Variants in NRXN1 observed in about 807,000 individuals in gnomAD.
NRXN1 encodes neurexin 1, also known as neurexin-1.
NRXN1 carries 39 observed loss-of-function variants against 150.9 expected under a neutral mutation model. That is an observed-to-expected ratio of 0.26 (90% confidence interval 0.20 to 0.34). The LOEUF (loss-of-function observed/expected upper bound fraction) is 0.34. NRXN1 is among the 10% of genes least tolerant of loss of function. The pLI is 1.00. For missense variants in NRXN1, 1,815 were observed against 1,949.9 expected (o/e 0.93, Z 1.30); for synonymous variants, 924 against 757.0 (o/e 1.22, Z -3.62).
At chr2:50,252,354 G>A (rs1206747803) in intron 17 of NRXN1, among the ~76,000 whole-genome samples, 1 of 144,576 alleles carries the variant, frequency 6.9e-6, no homozygotes, top group African/African-American at 2.6e-5. Flanking sequence ...TGTCTCTTGG[G>A]TTCAAGTGAT....
rs145702579 is a variant in NRXN1 at position 50,470,622 on chromosome 2, G to A, written c.3244+1676C>T. Among the ~76,000 whole-genome samples, 600 of 151,834 alleles carry A rather than the reference G, an allele frequency of 4.0e-3. 2 individuals carry two copies. Among genetic ancestry groups the A allele is most frequent in the Middle Eastern group, 0.017 (5 of 294 alleles). ...TGATTCATAATCACCTGGGGGACAG[G>A]AATTCAAATTTCTTTCTTCTTCTCT... On this transcript the variant is annotated intron_variant, in intron 16 of 22. Transcript: ENST00000401669.
At chr2:51,005,824 T>G (rs1222688613) in intron 2 of NRXN1, among the ~76,000 whole-genome samples, 3 of 151,904 alleles carry the variant, frequency 2.0e-5, no homozygotes, top group East Asian at 3.9e-4. Context: ...TAATTCCCCC[T>G]TGAAAAGATA....
At chr2:50,571,261 G>C (rs1670620637) in intron 8 of NRXN1, among the ~76,000 whole-genome samples, 1 of 152,162 alleles carries the variant, frequency 6.6e-6, no homozygotes, top group Non-Finnish European at 1.5e-5. Flanking sequence ...CTTCAGAAAA[G>C]TAAAATATAA....
intron 5 of NRXN1, among the ~76,000 whole-genome samples, chr2:50,748,232 T>G (rs911968714): frequency 6.6e-6 from 1 of 152,184 alleles, no homozygotes; most frequent in African/African-American, 2.4e-5. Flanking sequence ...CAAATCATGT[T>G]GCTCCTATAG....
At chr2:50,667,022 A>G (rs1688150629) in intron 5 of NRXN1, among the ~76,000 whole-genome samples, 1 of 152,096 alleles carries the variant, frequency 6.6e-6, no homozygotes, top group Non-Finnish European at 1.5e-5. Flanking sequence ...GCTTTTAAGT[A>G]GCTTTACTTG....
intron 17 of NRXN1, among the ~76,000 whole-genome samples, chr2:50,248,905 G>A (rs1334641844): frequency 1.3e-5 from 2 of 152,028 alleles, no homozygotes; most frequent in African/African-American, 4.8e-5. Flanking sequence ...CCAGCACTTT[G>A]GGAGGCCAAG....
At chr2:50,743,521 T>C (rs749567611) in intron 5 of NRXN1, among the ~76,000 whole-genome samples, 5 of 152,138 alleles carry the variant, frequency 3.3e-5, no homozygotes, top group Non-Finnish European at 7.4e-5. Context: ...CATTAAATAA[T>C]AAGACTTAAT....
intron 21 of NRXN1, among the ~76,000 whole-genome samples, chr2:49,958,603 T>C (rs1208710993): frequency 1.3e-5 from 2 of 152,172 alleles, no homozygotes; most frequent in Non-Finnish European, 2.9e-5. Context: ...AACATAAATA[T>C]ACCTTTTATC....
intron 5 of NRXN1, among the ~76,000 whole-genome samples, chr2:50,826,672 G>T (rs577807678): frequency 6.6e-6 from 1 of 152,088 alleles, no homozygotes; most frequent in African/African-American, 2.4e-5. Flanking sequence ...TGAACAACAA[G>T]GCATATACTA....
At chr2:49,932,614 C>A (rs1218819718) in intron 22 of NRXN1, among the ~76,000 whole-genome samples, 1 of 152,052 alleles carries the variant, frequency 6.6e-6, no homozygotes, top group African/African-American at 2.4e-5. Flanking sequence ...ACTAAGTAAT[C>A]AAAACCCTCA....
At chr2:50,159,525 G>C (rs1207615016) in intron 18 of NRXN1, among the ~76,000 whole-genome samples, 1 of 152,114 alleles carries the variant, frequency 6.6e-6, no homozygotes, top group East Asian at 1.9e-4. Context: ...GCAATAAAAA[G>C]TACAGCTAAT....
chr2:50,868,366 G>A (rs1404271958), intron 5 of NRXN1, among the ~76,000 whole-genome samples: 1 of 142,756 alleles, frequency 7.0e-6, no homozygotes, highest in East Asian at 2.3e-4. Flanking sequence ...GACATAAATT[G>A]TGGAATAATA....
intron 1 of NRXN1, among the ~76,000 whole-genome samples, chr2:51,030,453 G>A (rs1400836395): frequency 1.3e-5 from 2 of 151,752 alleles, no homozygotes; most frequent in Admixed American, 1.3e-4. Flanking sequence ...ATCCCCACAG[G>A]TGTCAGCTGA....
chr2:50,536,261 C>G (rs1029638432), intron 10 of NRXN1, among the ~76,000 whole-genome samples: 1 of 152,082 alleles, frequency 6.6e-6, no homozygotes, highest in African/African-American at 2.4e-5. Context: ...CATGGGTAGT[C>G]CAGTAACAAG....
At chr2:50,935,849 T>C (rs1286714886) in intron 2 of NRXN1, among the ~76,000 whole-genome samples, 3 of 152,156 alleles carry the variant, frequency 2.0e-5, no homozygotes, top group Non-Finnish European at 2.9e-5. Flanking sequence ...GTAAGATGTA[T>C]AATAAAAATT....
At chr2:50,907,816 C>A (rs1218048327) in intron 5 of NRXN1, among the ~76,000 whole-genome samples, 5 of 152,056 alleles carry the variant, frequency 3.3e-5, no homozygotes, top group African/African-American at 1.2e-4. Context: ...ATCAAATTTA[C>A]CCCAGTGGGA....
chr2:50,329,945 TACAGGCGTGAGCC>T (rs1430774467), intron 17 of NRXN1, among the ~76,000 whole-genome samples: 2 of 151,738 alleles, frequency 1.3e-5, no homozygotes, highest in Non-Finnish European at 2.9e-5. Context: ...GTGCTGGGAT[TACAGGCGTGAGCC>T]ACTGCACCCG....
intron 2 of NRXN1, among the ~76,000 whole-genome samples, chr2:50,943,865 T>C (rs910483300): frequency 2.0e-5 from 3 of 152,202 alleles, no homozygotes; most frequent in Non-Finnish European, 2.9e-5. Context: ...TAATTTACTA[T>C]AATTGTATTT....
chr2:50,952,055 C>T (rs1349890004), intron 2 of NRXN1, among the ~76,000 whole-genome samples: 1 of 146,940 alleles, frequency 6.8e-6, no homozygotes, highest in Non-Finnish European at 1.5e-5. Context: ...CAAGCTCCGC[C>T]TCCCGGGTTC....
Sources: allele counts gnomAD v4.1 joint callset (sites outside exome capture counted in the v4.1 genomes callset), GRCh38; gene constraint gnomAD v4.1.1; transcripts MANE v1.5; gene names NCBI Gene and HGNC (gene_info 2026-07-23, HGNC 2026-07-21).